The following HTR1F variants were observed in gnomAD, a reference collection of about 807,000 sequenced individuals.
HTR1F encodes the protein 5-hydroxytryptamine (serotonin) receptor 1F, G protein-coupled.
Under a neutral mutation model 24.0 loss-of-function variants are expected in HTR1F, and 17 were observed. The ratio of observed to expected loss-of-function variants is 0.71; its 90% CI spans 0.48 to 1.06. HTR1F has a LOEUF of 1.06. Ranked by LOEUF, HTR1F falls within the 50% of genes least tolerant of loss-of-function variation. HTR1F has a pLI of 0.00. For missense variants in HTR1F, 391 were observed against 427.8 expected (o/e 0.91, Z 0.76); for synonymous variants, 186 against 156.8 (o/e 1.19, Z -1.39).
chr3:87,869,909 G>A (rs1010459207), intron 2 of HTR1F, among the ~76,000 whole-genome samples: 5 of 151,942 alleles, frequency 3.3e-5, no homozygotes, highest in African/African-American at 7.3e-5. Flanking sequence ...TCATAGTTGC[G>A]AATGAAAATT....
At chr3:87,979,797 C>A (rs113921024) in intron 2 of HTR1F, among the ~76,000 whole-genome samples, 4 of 152,210 alleles carry the variant, frequency 2.6e-5, no homozygotes, top group Non-Finnish European at 5.9e-5. Context: ...TAGCCAGGCG[C>A]GCTGGCTGCT....
intron 2 of HTR1F, among the ~76,000 whole-genome samples, chr3:87,904,944 T>C (rs2116147): frequency 0.089 from 13,508 of 152,050 alleles, 1,881 homozygotes; most frequent in African/African-American, 0.3. Context: ...ATCTTTCCTT[T>C]ATAAAAATTC....
chr3:87,890,293 C>G (rs1706047810), intron 2 of HTR1F, among the ~76,000 whole-genome samples: 1 of 152,174 alleles, frequency 6.6e-6, no homozygotes, highest in Non-Finnish European at 1.5e-5. Context: ...TGTACTTAAT[C>G]TCAGCAATAT....
rs138833017 is a variant in HTR1F at position 87,823,836 on chromosome 3, G to T, written c.-43+1712G>T. Among the ~76,000 whole-genome samples, 327 of 152,126 alleles carry T rather than the reference G, an allele frequency of 2.1e-3. 3 individuals are homozygous for T. Among genetic ancestry groups the T allele is most frequent in the Non-Finnish European group, 1.3e-3 (85 of 67,982 alleles). ...GCACTTTTGGGAGGCCGATGCGGGC[G>T]GATCACGAGTTCAAGAGATGGAGAC... On this transcript the variant is annotated intron_variant, in intron 2 of 2. Transcript: ENST00000319595.
At chr3:87,841,900 CAAAAAAAAAAAAAAAAGAAAAA>C (rs1704814396) in intron 2 of HTR1F, among the ~76,000 whole-genome samples, 2 of 57,486 alleles carry the variant, frequency 3.5e-5, no homozygotes, top group East Asian at 4.9e-4. Context: ...GATTCTGTCT[CAAAAAAAAAAAAAAAAGAAAAA>C]GAAAAAAAAA....
chr3:87,828,496 T>G (rs191800795), intron 2 of HTR1F, among the ~76,000 whole-genome samples: 1 of 152,368 alleles, frequency 6.6e-6, no homozygotes, highest in African/African-American at 2.4e-5. Flanking sequence ...TTGTTCCCAA[T>G]GAGCTCTTAA....
At chr3:87,891,748 T>A (rs1163725683) in intron 2 of HTR1F, among the ~76,000 whole-genome samples, 1 of 152,234 alleles carries the variant, frequency 6.6e-6, no homozygotes, top group Non-Finnish European at 1.5e-5. Flanking sequence ...CATGAAGGAA[T>A]GTCCACAAAA....
intron 2 of HTR1F, among the ~76,000 whole-genome samples, chr3:87,860,075 G>A (rs752414194): frequency 2.6e-5 from 4 of 152,130 alleles, no homozygotes; most frequent in Non-Finnish European, 2.9e-5. Context: ...GGCATTGAAG[G>A]TTACTTAGAA....
intron 2 of HTR1F, among the ~76,000 whole-genome samples, chr3:87,892,062 GT>G (rs1348227141): frequency 6.6e-6 from 1 of 152,148 alleles, no homozygotes; most frequent in African/African-American, 2.4e-5. Flanking sequence ...TCACATGAGT[GT>G]TTTAACACCA....
intron 1 of HTR1F, among the ~76,000 whole-genome samples, chr3:87,801,839 T>C (rs567303720): frequency 1.3e-5 from 2 of 152,292 alleles, no homozygotes; most frequent in South Asian, 4.1e-4. Context: ...AAAAGAAGTA[T>C]ATACATTAAA....
chr3:87,900,735 G>A (rs1706302617), intron 2 of HTR1F, among the ~76,000 whole-genome samples: 2 of 152,136 alleles, frequency 1.3e-5, no homozygotes, highest in Non-Finnish European at 2.9e-5. Context: ...AGAAGTAGAG[G>A]AGTTAAGGAG....
chr3:87,879,831 C>T (rs1389827748), intron 2 of HTR1F, among the ~76,000 whole-genome samples: 2 of 152,002 alleles, frequency 1.3e-5, no homozygotes, highest in Non-Finnish European at 2.9e-5. Context: ...TTATTTCTCA[C>T]ACCATTAATA....
intron 2 of HTR1F, among the ~76,000 whole-genome samples, chr3:87,968,477 G>A (rs1422428905): frequency 6.6e-6 from 1 of 152,098 alleles, no homozygotes; most frequent in Non-Finnish European, 1.5e-5. Context: ...CTCCCAAAGT[G>A]CTGGGATTAC....
intron 2 of HTR1F, among the ~76,000 whole-genome samples, chr3:87,933,607 G>T (rs1267768851): frequency 6.6e-6 from 1 of 152,056 alleles, no homozygotes; most frequent in Non-Finnish European, 1.5e-5. Context: ...ATTCACAATT[G>T]CTTCAAAGAG....
In HTR1F at chr3:87,991,322, C is replaced by T. The variant is rs1330218552; in HGVS notation, c.573C>T (p.Tyr191=). 1 of 1,613,802 alleles carries T rather than the reference C, an allele frequency of 6.2e-7. No individual in the cohort carries two copies. Among genetic ancestry groups the T allele is most frequent in the Non-Finnish European group, 8.5e-7 (1 of 1,179,964 alleles). ...TTTACTCAACATTTGGAGCTTTCTA[C>T]ATCCCACTGGCATTGATTTTGATCC... ...STIYSTFGAF[Y]IPLALILILY... is the part of the protein sequence containing the mutation. The change falls in exon 3 of 3, where the codon TAC becomes TAT. Residue 191 remains tyrosine (Y), a synonymous_variant. Transcript: ENST00000319595.
At chr3:87,936,409 T>G (rs1182241189) in intron 2 of HTR1F, among the ~76,000 whole-genome samples, 1 of 152,228 alleles carries the variant, frequency 6.6e-6, no homozygotes, top group Non-Finnish European at 1.5e-5. Context: ...CTGAGCCACT[T>G]GAGTCTCCAC....
chr3:87,900,596 TG>T (rs1212260338), intron 2 of HTR1F, among the ~76,000 whole-genome samples: 6 of 152,274 alleles, frequency 3.9e-5, no homozygotes, highest in African/African-American at 1.4e-4. Context: ...AACATAAGCC[TG>T]GGTGCAAGAG....
chr3:87,883,632 A>G (rs1352768709), intron 2 of HTR1F, among the ~76,000 whole-genome samples: 3 of 152,158 alleles, frequency 2.0e-5, no homozygotes, highest in Admixed American at 6.6e-5. Flanking sequence ...ACTAGAATAA[A>G]CAGTGTAGAG....
intron 2 of HTR1F, among the ~76,000 whole-genome samples, chr3:87,924,397 A>G (rs1704078191): frequency 6.6e-6 from 1 of 151,802 alleles, no homozygotes; most frequent in Admixed American, 6.6e-5. Context: ...TTATCTTTGC[A>G]GTTTTGTGAC....
Sources: gnomAD v4.1 joint callset for allele counts (sites outside exome capture counted in the v4.1 genomes callset) on GRCh38, gnomAD v4.1.1 for gene constraint, MANE v1.5 for transcripts, NCBI Gene and HGNC (gene_info 2026-07-23, HGNC 2026-07-21) for gene names.